ITGA9: variants seen among roughly 807,000 people sequenced by gnomAD.
ITGA9 encodes integrin subunit alpha 9.
In ITGA9, 56 loss-of-function variants were observed where a neutral mutation model predicts 127.8. The observed-to-expected ratio is 0.44, with a 90% CI of 0.35 to 0.55. ITGA9 has a LOEUF of 0.55. Among genes scored for constraint, ITGA9 ranks in the 20% least tolerant of loss-of-function variants. The pLI, the probability that ITGA9 is intolerant of heterozygous loss-of-function variation, is 0.00. For synonymous variants in ITGA9, 508 were observed against 514.5 expected (o/e 0.99, Z 0.17); for missense variants, 1,196 against 1,347.1 (o/e 0.89, Z 1.76).
chr3:37,531,497 G>A (rs962126591), intron 13 of ITGA9, among the ~76,000 whole-genome samples: 34 of 152,162 alleles, frequency 2.2e-4, no homozygotes, highest in African/African-American at 8.0e-4. Flanking sequence ...GGCTGCCCAC[G>A]TCTGTTTCCT....
intron 13 of ITGA9, among the ~76,000 whole-genome samples, chr3:37,528,419 G>A (rs1228166606): frequency 6.6e-6 from 1 of 152,168 alleles, no homozygotes; most frequent in Non-Finnish European, 1.5e-5. Context: ...AAGAGACCTA[G>A]GAGAGGAGCC....
chr3:37,809,557 G>A (rs1697342107), intron 27 of ITGA9, among the ~76,000 whole-genome samples: 1 of 152,248 alleles, frequency 6.6e-6, no homozygotes, highest in South Asian at 2.1e-4. Flanking sequence ...ATGTCAGAGT[G>A]TGCAGTCTGT....
intron 16 of ITGA9, among the ~76,000 whole-genome samples, chr3:37,642,146 A>T (rs1306613292): frequency 1.3e-5 from 2 of 151,806 alleles, no homozygotes; most frequent in Non-Finnish European, 2.9e-5. Flanking sequence ...GGGTTTCCCC[A>T]TGTTGCCCAG....
chr3:37,815,273 T>G (rs1373563113), intron 27 of ITGA9, among the ~76,000 whole-genome samples: 1 of 152,210 alleles, frequency 6.6e-6, no homozygotes. Flanking sequence ...AGCATAGTGA[T>G]GAGAAAGTGA....
At chr3:37,643,423 G>C (rs528696706) in intron 16 of ITGA9, among the ~76,000 whole-genome samples, 15 of 152,228 alleles carry the variant, frequency 9.9e-5, no homozygotes, top group Non-Finnish European at 1.9e-4. Context: ...CGGGAAAGGA[G>C]AGGGGACTCA....
At chr3:37,775,976 A>C (rs1182798181) in intron 23 of ITGA9, among the ~76,000 whole-genome samples, 1 of 152,242 alleles carries the variant, frequency 6.6e-6, no homozygotes, top group East Asian at 1.9e-4. Context: ...TGTTGTACAG[A>C]TATACCATGG....
intron 16 of ITGA9, among the ~76,000 whole-genome samples, chr3:37,647,695 T>C (rs1024010264): frequency 1.3e-5 from 2 of 152,166 alleles, no homozygotes; most frequent in African/African-American, 4.8e-5. Context: ...ATTTAACTTG[T>C]TTAGATTCCG....
At chr3:37,630,440 A>G (rs1400857037) in intron 16 of ITGA9, among the ~76,000 whole-genome samples, 2 of 152,230 alleles carry the variant, frequency 1.3e-5, no homozygotes, top group Non-Finnish European at 2.9e-5. Context: ...GGTCTCAGAT[A>G]AAGTCTGGCT....
chr3:37,475,373 C>T (rs1698482982), intron 3 of ITGA9, among the ~76,000 whole-genome samples: 1 of 152,202 alleles, frequency 6.6e-6, no homozygotes, highest in African/African-American at 2.4e-5. Flanking sequence ...TTCCTCTCTG[C>T]AAGGAAGGAT....
At chr3:37,742,405 C>T (rs77147659) in intron 21 of ITGA9, among the ~76,000 whole-genome samples, 3,857 of 152,270 alleles carry the variant, frequency 0.025, 74 homozygotes, top group Non-Finnish European at 0.038. Context: ...GTCAAGTCCA[C>T]GGTCATTCAG....
At chr3:37,534,540 A>C (rs567925772) in intron 14 of ITGA9, among the ~76,000 whole-genome samples, 1 of 152,394 alleles carries the variant, frequency 6.6e-6, no homozygotes, top group African/African-American at 2.4e-5. Context: ...GAGCTAGTTC[A>C]TTCCTCAGCC....
At position 37,822,894 on chromosome 3, in the gene ITGA9, T is replaced by G. The variant is rs1271608904; in HGVS notation, c.*3905T>G. ...TATACTTGGCTCAAACTTCTCAAAA[T>G]TTAGAGGTGCTGGAAAGGATTGTCA... On this transcript the variant is annotated 3_prime_UTR_variant, in exon 28 of 28. Coordinates refer to ENST00000264741, the MANE Select transcript of ITGA9 (RefSeq NM_002207.3). 6.6e-6 allele frequency: 1 copy of G among 152,174 alleles called. No homozygotes were observed. Among genetic ancestry groups the G allele is most frequent in the Admixed American group, 6.5e-5 (1 of 15,268 alleles). The allele number at this position is 152,174 out of a possible 1,614,324, so 9.4% of individuals were successfully genotyped here. A position where few individuals can be genotyped will look rare whatever the true frequency, so the allele number is the denominator to read the frequency against.
At chr3:37,626,458 A>G (rs2125633982) in intron 15 of ITGA9, among the ~76,000 whole-genome samples, 1 of 152,300 alleles carries the variant, frequency 6.6e-6, no homozygotes, top group Admixed American at 6.5e-5. Flanking sequence ...CCAGGAGTTC[A>G]AGACCACCTT....
In ITGA9 at chr3:37,819,028, C is replaced by A; in HGVS notation, c.*39C>A. 1.4e-6 allele frequency: 2 copies of A among 1,389,634 alleles called. No individual in the cohort carries two copies. Among genetic ancestry groups the A allele is most frequent in the South Asian group, 2.3e-5 (2 of 86,456 alleles). 86.1% of individuals were successfully genotyped at this position (1,389,634 alleles called of 1,614,324 possible). A position where few individuals can be genotyped will look rare whatever the true frequency, so the allele number is the denominator to read the frequency against. Reference sequence around the variant, plus strand: ...TCACATGACCTGATCACTAGCCTGTCATCCTTGGTCTTTGTATCTTCCATA... The same window carrying A: ...TCACATGACCTGATCACTAGCCTGTAATCCTTGGTCTTTGTATCTTCCATA... On this transcript the variant is annotated 3_prime_UTR_variant, in exon 28 of 28. Transcript: ENST00000264741.
intron 26 of ITGA9, among the ~76,000 whole-genome samples, chr3:37,797,986 A>G (rs1332767495): frequency 6.6e-6 from 1 of 151,024 alleles, no homozygotes; most frequent in African/African-American, 2.4e-5. Context: ...TACCCAACCT[A>G]TTTATTTTAT....
In ITGA9 at chr3:37,821,616, G is replaced by A. The variant is rs991265474; in HGVS notation, c.*2627G>A. 7 of 152,108 alleles carry A rather than the reference G, an allele frequency of 4.6e-5. No individual in the cohort carries two copies. Among genetic ancestry groups the A allele is most frequent in the African/African-American group, 1.7e-4 (7 of 41,416 alleles). 9.4% of individuals were successfully genotyped at this position (152,108 alleles called of 1,614,324 possible). A position where few individuals can be genotyped will look rare whatever the true frequency, so the allele number is the denominator to read the frequency against. On this transcript the variant is annotated 3_prime_UTR_variant, in exon 28 of 28. Coordinates refer to ENST00000264741, the MANE Select transcript of ITGA9 (RefSeq NM_002207.3). Reference sequence around the variant, plus strand: ...TTGCCTCCTGCCGGGGTGTAGGTGCGTTGGTGACAGTGTAGAAGGGTGATT... The same window carrying A: ...TTGCCTCCTGCCGGGGTGTAGGTGCATTGGTGACAGTGTAGAAGGGTGATT...
intron 18 of ITGA9, among the ~76,000 whole-genome samples, chr3:37,726,770 C>T (rs1422258364): frequency 2.0e-5 from 3 of 152,158 alleles, no homozygotes; most frequent in African/African-American, 7.2e-5. Context: ...GACTCAGGAG[C>T]TACTAAGTGC....
intron 23 of ITGA9, among the ~76,000 whole-genome samples, chr3:37,774,725 AAAC>A (rs1205677244): frequency 6.8e-6 from 1 of 147,898 alleles, no homozygotes; most frequent in Non-Finnish European, 1.5e-5. Context: ...TCCAAAAAAA[AAAC>A]AAAAAACAAA....
chr3:37,659,983 A>AAC (rs10694969), intron 17 of ITGA9, among the ~76,000 whole-genome samples: 1,543 of 149,666 alleles, frequency 0.01, 17 homozygotes, highest in African/African-American at 0.02. Context: ...AAGATGATGT[A>AAC]ACACACACAC....
Sources: gnomAD v4.1 joint callset for allele counts (sites outside exome capture counted in the v4.1 genomes callset) on GRCh38, gnomAD v4.1.1 for gene constraint, MANE v1.5 for transcripts, NCBI Gene and HGNC (gene_info 2026-07-23, HGNC 2026-07-21) for gene names.